Variants in CFAP46 observed in about 807,000 individuals in gnomAD.
The protein encoded by CFAP46 is cilia and flagella associated protein 46.
A neutral mutation model predicts 325.7 loss-of-function variants in CFAP46; 245 were observed. That is an observed-to-expected ratio of 0.75 (90% confidence interval 0.68 to 0.84). CFAP46 has a LOEUF of 0.84. CFAP46 is among the 40% of genes least tolerant of loss of function. The pLI is 0.00. For synonymous variants in CFAP46, 1,523 were observed against 1,495.9 expected (o/e 1.02, Z -0.42); for missense variants, 3,346 against 3,543.0 (o/e 0.94, Z 1.41).
chr10:132,921,533 C>G (rs549449513), intron 13 of CFAP46, among the ~76,000 whole-genome samples: 1 of 152,308 alleles, frequency 6.6e-6, no homozygotes, highest in Admixed American at 6.5e-5. Flanking sequence ...CCAGGGAGCC[C>G]CGTCCTGTGC....
At chr10:132,864,464 C>A (rs866024067) in intron 35 of CFAP46, among the ~76,000 whole-genome samples, 1 of 105,422 alleles carries the variant, frequency 9.5e-6, no homozygotes, top group Admixed American at 9.6e-5. Flanking sequence ...ACCTGTCCCC[C>A]TGCCTGAGAC....
intron 19 of CFAP46, among the ~76,000 whole-genome samples, chr10:132,911,958 C>T (rs898008081): frequency 5.3e-5 from 8 of 152,110 alleles, no homozygotes; most frequent in African/African-American, 7.2e-5. Flanking sequence ...GAGCCCCTGA[C>T]GTTTTACTTC....
At chr10:132,935,399 CA>C (rs1849979376) in intron 7 of CFAP46, among the ~76,000 whole-genome samples, 1 of 143,394 alleles carries the variant, frequency 7.0e-6, no homozygotes, top group Non-Finnish European at 1.5e-5. Context: ...TCACTCCCCT[CA>C]GCACCCAAAC....
chr10:132,895,163 G>A (rs1305003081), intron 24 of CFAP46, among the ~76,000 whole-genome samples: 1 of 152,204 alleles, frequency 6.6e-6, no homozygotes, highest in South Asian at 2.1e-4. Flanking sequence ...GTGCAGATCA[G>A]TCAGCGTGAT....
At chr10:132,866,629 G>A (rs557541981) in intron 34 of CFAP46, among the ~76,000 whole-genome samples, 11 of 152,120 alleles carry the variant, frequency 7.2e-5, no homozygotes, top group South Asian at 2.1e-4. Context: ...GGCCTACCCC[G>A]CATCCCCCCA....
In CFAP46 at chr10:132,942,060, T is replaced by G; in HGVS notation, c.94A>C (p.Asn32His). ...GGGTCAAACTCCGATTTCCCTAGGT[T>G]GGCCGATTTGATCAACTCGTAGGCC... ...KKAYELIKSA[N>H]LGKSEFDPSE... Residue 32 changes from asparagine to histidine, a missense_variant, in exon 2 of 58, where the codon AAC becomes CAC. Transcript: ENST00000368586. 1 of 1,551,786 alleles carries G rather than the reference T, an allele frequency of 6.4e-7. No individual in the cohort carries two copies. Among genetic ancestry groups the G allele is most frequent in the Non-Finnish European group, 8.7e-7 (1 of 1,147,012 alleles).
At chr10:132,858,944 G>A (rs73391293) in intron 38 of CFAP46, 127 bp downstream of exon 38, 2 of 915,622 alleles carry the variant, frequency 2.2e-6, no homozygotes, top group Non-Finnish European at 3.2e-6. Context: ...CTTCCCAGGG[G>A]AGGGTCCTGT....
intron 37 of CFAP46, among the ~76,000 whole-genome samples, chr10:132,859,492 T>C: frequency 6.6e-6 from 1 of 151,626 alleles, no homozygotes. Context: ...CCTCTCCTAC[T>C]TGACTCACTA....
At chr10:132,866,242 C>T (rs1591062727) in intron 34 of CFAP46, 71 bp from the exon 35 acceptor site, 1 of 1,408,598 alleles carries the variant, frequency 7.1e-7, no homozygotes, top group Non-Finnish European at 9.3e-7. Flanking sequence ...GGGACAGGCT[C>T]TGGCTCAGGA....
At chr10:132,812,041 G>A (rs1310624571) in intron 55 of CFAP46, among the ~76,000 whole-genome samples, 3 of 152,250 alleles carry the variant, frequency 2.0e-5, no homozygotes, top group Non-Finnish European at 2.9e-5. Context: ...CACAGGGGGC[G>A]TCCTGGTGGG....
rs917167629 is a variant in CFAP46 at position 132,851,921 on chromosome 10, G to C, written c.5575-616C>G. Among the ~76,000 whole-genome samples the C allele has an allele frequency of 3.3e-4, 48 of 144,618 alleles. 1 individual carries two copies. Among genetic ancestry groups the C allele is most frequent in the Non-Finnish European group, 5.7e-4 (37 of 64,938 alleles). 94.9% of individuals were successfully genotyped at this position (144,618 alleles called of 152,430 possible). ...GTGGTATGTTCCTCCATTTACTTAG[G>C]AATTCTCAGATCCTGATCCACAGAC... On this transcript the variant is annotated intron_variant, in intron 39 of 57. Transcript: ENST00000368586.
chr10:132,872,022 T>C (rs1848901670), intron 32 of CFAP46, among the ~76,000 whole-genome samples: 5 of 152,244 alleles, frequency 3.3e-5, no homozygotes, highest in Non-Finnish European at 7.3e-5. Context: ...AATGGATGTA[T>C]GTACATTTTT....
At chr10:132,811,084 G>A in intron 55 of CFAP46, 53 bp from the exon 56 acceptor site, 2 of 1,484,802 alleles carry the variant, frequency 1.3e-6, no homozygotes, top group Non-Finnish European at 9.1e-7. Context: ...TGGGGAGTGG[G>A]GATGGGGTGT....
chr10:132,824,472 G>C (rs1474708388), intron 50 of CFAP46, among the ~76,000 whole-genome samples: 3 of 120,262 alleles, frequency 2.5e-5, no homozygotes, highest in Non-Finnish European at 5.3e-5. Context: ...GATGTGTGCT[G>C]TGTGTGCTGT....
In CFAP46 at chr10:132,886,874, G is replaced by A. The variant is rs953809706; in HGVS notation, c.3305-915C>T. 2.6e-5 allele frequency among the ~76,000 whole-genome samples: 4 copies of A among 151,946 alleles called. No individual in the cohort carries two copies. Among genetic ancestry groups the A allele is most frequent in the African/African-American group, 7.3e-5 (3 of 41,306 alleles). ...CAGCCATGGCGACTAGAATGCTGAC[G>A]CGTCCCCTCCCCGTCATGGGCGCTG... On this transcript the variant is annotated intron_variant, in intron 25 of 57. Transcript: ENST00000368586. This position sits in a 1 kb window ranked among gnomAD's most constrained non-coding sequence, Gnocchi z 5.8.
At chr10:132,930,777 A>C (rs536721016) in intron 8 of CFAP46, among the ~76,000 whole-genome samples, 3 of 33,348 alleles carry the variant, frequency 9.0e-5, no homozygotes, top group African/African-American at 1.4e-4. Flanking sequence ...CCTTCCCCAC[A>C]CTCCCCACAC....
At chr10:132,881,506 C>T (rs370232696) in intron 27 of CFAP46, among the ~76,000 whole-genome samples, 15 of 152,334 alleles carry the variant, frequency 9.8e-5, no homozygotes, top group African/African-American at 3.6e-4. Flanking sequence ...CAGTCCAAGG[C>T]CTGGCCTGTG....
intron 33 of CFAP46, among the ~76,000 whole-genome samples, chr10:132,867,968 TCTC>T (rs1420841878): frequency 2.0e-5 from 3 of 152,034 alleles, no homozygotes; most frequent in Admixed American, 2.0e-4. Flanking sequence ...TGTCCCGCCT[TCTC>T]CTGTGCCATG....
In CFAP46 at chr10:132,822,754, TGA is replaced by T. The variant is rs1279746561; in HGVS notation, c.7118-7842_7118-7841del. Among the ~76,000 whole-genome samples, 91 of 140,272 alleles carry T rather than the reference TGA, an allele frequency of 6.5e-4. No homozygotes were observed. In the South Asian group the frequency reaches 6.8e-3, roughly 11 times the overall value. The allele number at this position is 140,272 out of a possible 152,430, so 92.0% of individuals were successfully genotyped here. On this transcript the variant is annotated intron_variant, in intron 50 of 57. Transcript: ENST00000368586. ...TGTGTGTGCAGTGATGTGTGCTGTGTGAGTGCTGATGTGTGCTGTGTGTGCAC... is the reference window on the plus strand; with the variant it reads ...TGTGTGTGCAGTGATGTGTGCTGTGTGTGCTGATGTGTGCTGTGTGTGCAC...
Sources: gnomAD v4.1 joint callset for allele counts (sites outside exome capture counted in the v4.1 genomes callset) on GRCh38, gnomAD v4.1.1 for gene constraint, Gnocchi (gnomAD v3.1) non-coding constraint, MANE v1.5 for transcripts, NCBI Gene and HGNC (gene_info 2026-07-23, HGNC 2026-07-21) for gene names.